Variants in WNK2 observed in about 807,000 individuals in gnomAD.
WNK2 encodes WNK lysine deficient protein kinase 2.
WNK2 carries 67 observed loss-of-function variants against 192.1 expected under a neutral mutation model. The observed-to-expected ratio is 0.35, with a 90% CI of 0.29 to 0.43. The LOEUF (loss-of-function observed/expected upper bound fraction) is 0.43, where lower values mean the gene tolerates loss of function less well. WNK2 is among the 20% of genes least tolerant of loss of function. The probability of loss-of-function intolerance (pLI) is 1.00; values close to 1 mark genes in which losing one functional copy is unlikely to be tolerated. For synonymous variants in WNK2, 1,439 were observed against 1,393.9 expected (o/e 1.03, Z -0.72); for missense variants, 2,698 against 3,089.7 (o/e 0.87, Z 3.01).
chr9:93,189,343 A>T (rs61245995), intron 2 of WNK2, among the ~76,000 whole-genome samples: 3,613 of 152,240 alleles, frequency 0.024, 132 homozygotes, highest in African/African-American at 0.081. Flanking sequence ...TTTCTACTTC[A>T]TAGAGACGTA....
chr9:93,266,212 C>T (rs1387510109), intron 16 of WNK2, among the ~76,000 whole-genome samples: 7 of 152,154 alleles, frequency 4.6e-5, no homozygotes, highest in Non-Finnish European at 8.8e-5. Flanking sequence ...GCCCTGTGGA[C>T]TGTCTTTCTG....
chr9:93,184,692 C>G (rs1587697023), intron 1 of WNK2, among the ~76,000 whole-genome samples: 1 of 152,118 alleles, frequency 6.6e-6, no homozygotes, highest in Non-Finnish European at 1.5e-5. Flanking sequence ...ACCACAGGCC[C>G]GTCCCTCTCC....
intron 2 of WNK2, among the ~76,000 whole-genome samples, chr9:93,198,555 G>A (rs1208123224): frequency 6.6e-6 from 1 of 150,964 alleles, no homozygotes; most frequent in Non-Finnish European, 1.5e-5. Context: ...GGGTTTCATG[G>A]GGATGGCCAC....
At chr9:93,217,677 G>C (rs1416635107) in intron 2 of WNK2, among the ~76,000 whole-genome samples, 1 of 152,204 alleles carries the variant, frequency 6.6e-6, no homozygotes, top group East Asian at 1.9e-4. Flanking sequence ...GGGGCCATCT[G>C]TTGGTGCCCC....
chr9:93,207,433 G>A (rs139570295), intron 2 of WNK2, among the ~76,000 whole-genome samples: 196 of 152,274 alleles, frequency 1.3e-3, no homozygotes, highest in African/African-American at 4.4e-3. Context: ...TGTCATTCAT[G>A]ATCTCCCGGT....
chr9:93,191,544 C>G (rs928295601), intron 2 of WNK2, among the ~76,000 whole-genome samples: 1 of 152,002 alleles, frequency 6.6e-6, no homozygotes, highest in East Asian at 1.9e-4. Context: ...CAGGATCTCT[C>G]TGGCCACCTT....
chr9:93,202,486 C>T (rs1048956721), intron 2 of WNK2, among the ~76,000 whole-genome samples: 6 of 152,166 alleles, frequency 3.9e-5, no homozygotes, highest in African/African-American at 1.4e-4. Context: ...GGCGGTCAGC[C>T]CGGCCCTACC....
intron 2 of WNK2, among the ~76,000 whole-genome samples, chr9:93,207,440 C>A (rs927847593): frequency 6.6e-6 from 1 of 152,156 alleles, no homozygotes; most frequent in Non-Finnish European, 1.5e-5. Flanking sequence ...CATGATCTCC[C>A]GGTCAGCATG....
intron 28 of WNK2, chr9:93,308,961 C>G (rs963552262): frequency 6.5e-6 from 7 of 1,076,570 alleles, no homozygotes; most frequent in Middle Eastern, 4.3e-4. Context: ...AGGCTGGAGA[C>G]CAGGGCAGGT....
At chr9:93,273,756 A>C (rs1846336316) in intron 19 of WNK2, among the ~76,000 whole-genome samples, 1 of 152,274 alleles carries the variant, frequency 6.6e-6, no homozygotes, top group Non-Finnish European at 1.5e-5. Context: ...CCTGAGTTAT[A>C]AAACAAAACT....
chr9:93,209,432 A>T (rs1343000556), intron 2 of WNK2, among the ~76,000 whole-genome samples: 1 of 152,142 alleles, frequency 6.6e-6, no homozygotes, highest in Non-Finnish European at 1.5e-5. Context: ...TGCCTTTGAG[A>T]CGGGACAGGT....
At position 93,252,988 on chromosome 9, in the gene WNK2, C is replaced by G; in HGVS notation, c.1940C>G (p.Pro647Arg). ...TCCCTTGCCGACGCAGCGCCGTCCC[C>G]GGCCCAGTGTGTGTGCAGCCCCCCT... is the stretch of plus-strand genomic sequence containing the variant. Reference protein sequence around the residue: ...LGSLADAAPSPAQCVCSPPVS... With the variant: ...LGSLADAAPSRAQCVCSPPVS... Residue 647 changes from proline to arginine, a missense_variant, in exon 9 of 30, where the codon CCG (proline) becomes CGG (arginine). Physicochemically the swap from Pro to Arg is moderately radical, Grantham distance 103 (BLOSUM62 -2). Around this residue, in one of 7 missense-constraint regions of WNK2, gnomAD observed 893 missense variants for 909.0 expected, o/e 0.98. Transcript: ENST00000427277. 1 of 1,566,266 alleles carries G rather than the reference C, an allele frequency of 6.4e-7. No individual in the cohort carries two copies. The highest frequency in any genetic ancestry group is 2.4e-5 in the East Asian group (1 of 41,218).
At chr9:93,268,510 A>G (rs1038139022) in intron 18 of WNK2, 117 bp from the exon 19 acceptor site, 14 of 1,467,962 alleles carry the variant, frequency 9.5e-6, no homozygotes, top group African/African-American at 1.4e-5. Flanking sequence ...AGAAAATCCC[A>G]TAGGTGTAAA....
intron 2 of WNK2, among the ~76,000 whole-genome samples, chr9:93,192,381 A>G (rs1173905213): frequency 6.7e-6 from 1 of 150,326 alleles, no homozygotes. Context: ...GCCTGGCAGG[A>G]TGTGGCTGCT....
Position 93,231,074 on chromosome 9 carries a change from T to G in WNK2, c.1041T>G (p.Thr347=). 1 of 1,613,840 alleles carries G rather than the reference T, an allele frequency of 6.2e-7. No individual in the cohort carries two copies. Among genetic ancestry groups the G allele is most frequent in the South Asian group, 1.1e-5 (1 of 91,064 alleles). ...AGATTGGCGACTTGGGCCTGGCCAC[T>G]CTGAAAAGAGCGTCATTTGCCAAAA... ...SVKIGDLGLA[T]LKRASFAKSV... The change falls in exon 4 of 30, where the codon ACT becomes ACG. Residue 347 remains threonine (T), a synonymous_variant. Transcript: ENST00000427277.
intron 2 of WNK2, among the ~76,000 whole-genome samples, chr9:93,211,531 C>A (rs1834728856): frequency 6.7e-6 from 1 of 150,174 alleles, no homozygotes; most frequent in African/African-American, 2.5e-5. Flanking sequence ...TACATTCACT[C>A]ACTCACTCAT....
chr9:93,213,403 A>G (rs1190747971), intron 2 of WNK2, among the ~76,000 whole-genome samples: 1 of 152,214 alleles, frequency 6.6e-6, no homozygotes, highest in East Asian at 1.9e-4. Flanking sequence ...GTGTATTCTC[A>G]GATGTGGCTG....
chr9:93,313,629 A>G (rs906212944), intron 28 of WNK2, among the ~76,000 whole-genome samples: 2 of 152,136 alleles, frequency 1.3e-5, no homozygotes, highest in Non-Finnish European at 2.9e-5. Context: ...TTTGCCTTAG[A>G]GCAAATTAAA....
At position 93,239,233 on chromosome 9, in the gene WNK2, C is replaced by T. The variant is rs115590575; in HGVS notation, c.1323-524C>T. Among the ~76,000 whole-genome samples the T allele has an allele frequency of 4.6e-3, 695 of 152,324 alleles. 5 individuals are homozygous for T. The highest frequency in any genetic ancestry group is 0.016 in the African/African-American group (660 of 41,572). ...CCCCCCAGTTCTGCAGGTCCTCACTCTCCTCCAGCTCACCCTCTGCTCTGC... is the reference window on the plus strand; with the variant it reads ...CCCCCCAGTTCTGCAGGTCCTCACTTTCCTCCAGCTCACCCTCTGCTCTGC... On this transcript the variant is annotated intron_variant, in intron 6 of 29. Transcript: ENST00000427277. The surrounding 1 kb of genome is among the most constrained non-coding windows in gnomAD (Gnocchi z 4.2).
Sources: gnomAD v4.1 joint callset for allele counts (sites outside exome capture counted in the v4.1 genomes callset) on GRCh38, gnomAD v4.1.1 for gene constraint, gnomAD v4.1.1 regional missense constraint, Gnocchi (gnomAD v3.1) non-coding constraint, MANE v1.5 for transcripts, NCBI Gene and HGNC (gene_info 2026-07-23, HGNC 2026-07-21) for gene names.